Variants in SMC6 observed in about 807,000 individuals in gnomAD.
SMC6 encodes structural maintenance of chromosomes 6, also known as structural maintenance of chromosomes protein 6.
SMC6 carries 79 observed loss-of-function variants against 142.2 expected under a neutral mutation model. The observed-to-expected ratio is 0.56, with a 90% CI of 0.46 to 0.67. The LOEUF (loss-of-function observed/expected upper bound fraction) is 0.67. SMC6 is among the 30% of genes least tolerant of loss of function. The pLI, the probability that SMC6 is intolerant of heterozygous loss-of-function variation, is 0.00. For missense variants in SMC6, 1,072 were observed against 1,284.0 expected (o/e 0.83, Z 2.52); for synonymous variants, 411 against 412.4 (o/e 1.00, Z 0.04).
chr2:17,695,109 G>A, intron 23 of SMC6, 43 bp downstream of exon 23: 1 of 1,600,132 alleles, frequency 6.2e-7, no homozygotes, highest in Non-Finnish European at 8.5e-7. Context: ...TTGATGATAT[G>A]CATGAATAAT....
At chr2:17,690,507 T>C (rs948903693) in intron 23 of SMC6, among the ~76,000 whole-genome samples, 1 of 152,056 alleles carries the variant, frequency 6.6e-6, no homozygotes, top group South Asian at 2.1e-4. Flanking sequence ...GGCAGGATAA[T>C]TGCTTGAACC....
chr2:17,706,945 A>G (rs921135423), intron 18 of SMC6, among the ~76,000 whole-genome samples: 1 of 152,184 alleles, frequency 6.6e-6, no homozygotes, highest in Non-Finnish European at 1.5e-5. Flanking sequence ...TCAAGCTCCT[A>G]TCTCCTTGAG....
intron 21 of SMC6, among the ~76,000 whole-genome samples, chr2:17,699,882 C>G (rs1011365646): frequency 6.6e-6 from 1 of 151,714 alleles, no homozygotes; most frequent in South Asian, 2.1e-4. Flanking sequence ...GCTGGGACAA[C>G]AAGCAAGCAC....
intron 7 of SMC6, 130 bp from the exon 8 acceptor site, chr2:17,726,599 C>A: frequency 3.3e-6 from 2 of 605,844 alleles, no homozygotes; most frequent in Non-Finnish European, 5.7e-6. Context: ...AAGGTTATAA[C>A]GTTAGGATAA....
rs982537767 is a variant in SMC6, at chr2:17,697,506, TAA to T, written c.2395-1082_2395-1081del. Among the ~76,000 whole-genome samples the T allele has an allele frequency of 3.3e-5, 5 of 151,818 alleles. No homozygotes were observed. The East Asian group carries it at 7.7e-4, about 23-fold the overall frequency. Reference sequence around the variant, plus strand: ...ATAAAGAACTCTTACAACTCAAAAATAAAAGACTCAGAACCCAACTGTAAAAC... The same window carrying T: ...ATAAAGAACTCTTACAACTCAAAAATAAGACTCAGAACCCAACTGTAAAAC... On this transcript the variant is annotated intron_variant, in intron 21 of 27. Coordinates refer to ENST00000448223, the MANE Select transcript of SMC6 (RefSeq NM_001142286.2).
intron 19 of SMC6, among the ~76,000 whole-genome samples, chr2:17,702,648 T>A (rs995511529): frequency 1.5e-4 from 23 of 152,184 alleles, no homozygotes; most frequent in African/African-American, 5.5e-4. Context: ...TCCCATGTGT[T>A]GTGGGAGGGA....
chr2:17,723,594 A>G (rs1334974695), intron 9 of SMC6, among the ~76,000 whole-genome samples: 1 of 152,108 alleles, frequency 6.6e-6, no homozygotes, highest in Non-Finnish European at 1.5e-5. Flanking sequence ...CACTTCCTTA[A>G]TAACTCCCCC....
Position 17,720,931 on chromosome 2 carries a change from T to C in SMC6, c.945+9A>G, listed in dbSNP as rs1250912420. 24 of 1,609,070 alleles carry C rather than the reference T, an allele frequency of 1.5e-5. No homozygotes were observed. Among genetic ancestry groups the C allele is most frequent in the Non-Finnish European group, 2.0e-5 (23 of 1,176,844 alleles). On this transcript the variant is annotated intron_variant, in intron 11 of 27. Transcript: ENST00000448223. ...ACCTATTAAATCTGCATTTAAAAACTGTAATTACCTGCTGTTCTTCCATTT... is the reference window on the plus strand; with the variant it reads ...ACCTATTAAATCTGCATTTAAAAACCGTAATTACCTGCTGTTCTTCCATTT...
At chr2:17,674,147 G>A (rs1008466059) in intron 25 of SMC6, among the ~76,000 whole-genome samples, 11 of 151,994 alleles carry the variant, frequency 7.2e-5, no homozygotes, top group African/African-American at 2.4e-4. Flanking sequence ...ATAGAACTTA[G>A]ATCATTAATG....
At chr2:17,696,070 G>A (rs951434736) in intron 22 of SMC6, among the ~76,000 whole-genome samples, 1 of 152,138 alleles carries the variant, frequency 6.6e-6, no homozygotes, top group Non-Finnish European at 1.5e-5. Context: ...AGCACTCAGA[G>A]GCATAATACA....
intron 4 of SMC6, chr2:17,740,798 C>T (rs75354528): frequency 4.0e-5 from 16 of 404,056 alleles, no homozygotes; most frequent in Admixed American, 2.0e-4. Context: ...TGCATTGAGC[C>T]GAGATCGCAC....
chr2:17,750,812 C>T (rs1282004005), intron 2 of SMC6, among the ~76,000 whole-genome samples: 3 of 151,266 alleles, frequency 2.0e-5, no homozygotes, highest in African/African-American at 7.3e-5. Context: ...ACCAGCCTGG[C>T]CAACATGGTG....
In SMC6 at chr2:17,707,358, C is replaced by T; in HGVS notation, c.1867G>A (p.Val623Ile). 1.3e-6 allele frequency: 2 copies of T among 1,558,342 alleles called. No individual in the cohort carries two copies. ...TTGGGTGGCTTTTGGGACTGCATTA[C>T]TGCACGAGCTACAGAATTATTCTAA... ...LIKNNSVARA[V>I]MQSQKPPKNC... The change falls in exon 18 of 28, where the codon GTA becomes ATA. Residue 623 changes from valine (V) to isoleucine (I), a missense_variant. Around this residue, in one of 3 missense-constraint regions of SMC6, gnomAD observed 994 missense variants for 1,153.2 expected, o/e 0.86. Coordinates refer to ENST00000448223, the MANE Select transcript of SMC6 (RefSeq NM_001142286.2).
intron 23 of SMC6, among the ~76,000 whole-genome samples, chr2:17,694,672 A>G (rs1667907684): frequency 6.6e-6 from 1 of 152,216 alleles, no homozygotes; most frequent in South Asian, 2.1e-4. Flanking sequence ...TCACATAAAT[A>G]GGTGGTGGAA....
chr2:17,667,604 C>G (rs567934279), intron 26 of SMC6, among the ~76,000 whole-genome samples: 4 of 152,292 alleles, frequency 2.6e-5, no homozygotes, highest in African/African-American at 9.6e-5. Flanking sequence ...AATCCCAGCA[C>G]TTTGGGAGAT....
intron 18 of SMC6, among the ~76,000 whole-genome samples, chr2:17,704,253 G>C (rs1668401101): frequency 6.6e-6 from 1 of 151,996 alleles, no homozygotes; most frequent in Non-Finnish European, 1.5e-5. Flanking sequence ...GACCAACTAG[G>C]GGAGAAGATA....
intron 27 of SMC6, 63 bp downstream of exon 27, chr2:17,666,357 G>GT: frequency 8.4e-7 from 1 of 1,195,636 alleles, no homozygotes; most frequent in South Asian, 1.3e-5. Context: ...AATTAAAATT[G>GT]TAAAAGATTT....
At chr2:17,696,243 T>C (rs766633904) in intron 22 of SMC6, 46 bp downstream of exon 22, 6 of 1,566,124 alleles carry the variant, frequency 3.8e-6, no homozygotes, top group South Asian at 2.4e-5. Context: ...TTAATAATCA[T>C]GGCTAAGGCT....
At position 17,739,433 on chromosome 2, in the gene SMC6, C is replaced by T. The variant is rs189088922; in HGVS notation, c.239-1107G>A. Among the ~76,000 whole-genome samples the T allele has an allele frequency of 6.6e-5, 10 of 152,058 alleles. No homozygotes were observed. In the East Asian group the frequency reaches 1.9e-3, roughly 29 times the overall value. ...GCCAAGGCAGGTGGATCACTTGAGG[C>T]CAGGGGTTCGAGACCAGTCTGGCCA... is the stretch of plus-strand genomic sequence containing the variant. On this transcript the variant is annotated intron_variant, in intron 4 of 27. Transcript: ENST00000448223.
Sources: gnomAD v4.1 joint callset for allele counts (sites outside exome capture counted in the v4.1 genomes callset) on GRCh38, gnomAD v4.1.1 for gene constraint, gnomAD v4.1.1 regional missense constraint, MANE v1.5 for transcripts, NCBI Gene and HGNC (gene_info 2026-07-23, HGNC 2026-07-21) for gene names.